Variants in NEK7 observed in about 807,000 individuals in gnomAD.
NEK7 encodes serine/threonine-protein kinase Nek7.
NEK7 carries 18 observed loss-of-function variants against 44.6 expected under a neutral mutation model. That is an observed-to-expected ratio of 0.40 (90% CI 0.28 to 0.60). The LOEUF is 0.60. Among genes scored for constraint, NEK7 ranks in the 20% least tolerant of loss-of-function variants. The pLI, the probability that NEK7 is intolerant of heterozygous loss-of-function variation, is 0.38. For missense variants in NEK7, 256 were observed against 366.5 expected (o/e 0.70, Z 2.46); for synonymous variants, 130 against 121.1 (o/e 1.07, Z -0.48).
chr1:198,231,590 G>A (rs1212097076), intron 1 of NEK7, among the ~76,000 whole-genome samples: 2 of 151,498 alleles, frequency 1.3e-5, no homozygotes, highest in Non-Finnish European at 3.0e-5. Flanking sequence ...TTCATACATA[G>A]TACACAAAGC....
intron 1 of NEK7, chr1:198,197,852 G>T: frequency 1.1e-6 from 1 of 900,120 alleles, no homozygotes; most frequent in Non-Finnish European, 1.8e-6. Flanking sequence ...CTTTTTGTGA[G>T]CTTTCTTCAT....
intron 1 of NEK7, among the ~76,000 whole-genome samples, chr1:198,227,711 G>A (rs930870568): frequency 6.6e-6 from 1 of 152,032 alleles, no homozygotes; most frequent in African/African-American, 2.4e-5. Flanking sequence ...CTTTTGATGG[G>A]GTTGTTTGTT....
intron 1 of NEK7, among the ~76,000 whole-genome samples, chr1:198,226,257 A>C (rs1315018587): frequency 6.6e-6 from 1 of 152,176 alleles, no homozygotes; most frequent in East Asian, 1.9e-4. Context: ...TTAAGAACCC[A>C]CTGAAGTCTG....
chr1:198,198,011 C>A, intron 1 of NEK7: 1 of 1,520,932 alleles, frequency 6.6e-7, no homozygotes, highest in Non-Finnish European at 8.8e-7. Flanking sequence ...GGCTGTGGCA[C>A]AGGATGAGGG....
chr1:198,211,036 T>C (rs1432263838), intron 1 of NEK7, among the ~76,000 whole-genome samples: 3 of 152,180 alleles, frequency 2.0e-5, no homozygotes, highest in Non-Finnish European at 4.4e-5. Flanking sequence ...ATTTCTTTAT[T>C]AGTGATATTC....
At position 198,317,877 on chromosome 1, in the gene NEK7, A is replaced by ATTTTTGTT. The variant is rs537862004; in HGVS notation, c.799-1530_799-1529insGTTTTTTT. Among the ~76,000 whole-genome samples, 75 of 70,254 alleles carry ATTTTTGTT rather than the reference A, an allele frequency of 1.1e-3. 4 individuals carry two copies. Among genetic ancestry groups the ATTTTTGTT allele is most frequent in the Admixed American group, 2.0e-3 (10 of 4,882 alleles). 46.1% of individuals were successfully genotyped at this position (70,254 alleles called of 152,430 possible). A position where few individuals can be genotyped will look rare whatever the true frequency, so the allele number is the denominator to read the frequency against. Reference sequence around the variant, plus strand: ...GCATTGTGTATTACTGGATATATTTATTTTTTTTTTTTTTTTTTTTTTTGG... The same window carrying ATTTTTGTT: ...GCATTGTGTATTACTGGATATATTTATTTTTGTTTTTTTTTTTTTTTTTTTTTTTTTGG... On this transcript the variant is annotated intron_variant, in intron 9 of 9. Coordinates refer to ENST00000367385, the MANE Select transcript of NEK7 (RefSeq NM_133494.3).
chr1:198,317,877 A>ATTTTTTTTTTT lies in NEK7; in HGVS notation c.799-1522_799-1512dup, dbSNP rs34704209. Reference sequence around the variant, plus strand: ...GCATTGTGTATTACTGGATATATTTATTTTTTTTTTTTTTTTTTTTTTTGG... The same window carrying ATTTTTTTTTTT: ...GCATTGTGTATTACTGGATATATTTATTTTTTTTTTTTTTTTTTTTTTTTTTTTTTTTTTGG... On this transcript the variant is annotated intron_variant, in intron 9 of 9. Transcript: ENST00000367385. Among the ~76,000 whole-genome samples, 95 of 69,754 alleles carry ATTTTTTTTTTT rather than the reference A, an allele frequency of 1.4e-3. 2 individuals carry two copies. The highest frequency in any genetic ancestry group is 2.1e-3 in the Admixed American group (10 of 4,864). The allele number at this position is 69,754 out of a possible 152,430, so 45.8% of individuals were successfully genotyped here.
At chr1:198,291,448 A>G (rs140264358) in intron 7 of NEK7, among the ~76,000 whole-genome samples, 149 of 152,346 alleles carry the variant, frequency 9.8e-4, no homozygotes, top group Non-Finnish European at 1.3e-3. Context: ...CAGTAATAAT[A>G]CAGATTCTTT....
intron 9 of NEK7, among the ~76,000 whole-genome samples, chr1:198,319,095 A>C (rs1196857878): frequency 6.6e-6 from 1 of 152,280 alleles, no homozygotes; most frequent in East Asian, 1.9e-4. Flanking sequence ...ACTTATAGTT[A>C]TAAGACTAGT....
At chr1:198,284,354 C>T (rs1259743848) in intron 7 of NEK7, among the ~76,000 whole-genome samples, 3 of 152,094 alleles carry the variant, frequency 2.0e-5, no homozygotes, top group Admixed American at 6.6e-5. Flanking sequence ...CTATATTCGG[C>T]TTTGTTACAT....
At chr1:198,303,605 A>G (rs1250392490) in intron 9 of NEK7, among the ~76,000 whole-genome samples, 1 of 152,064 alleles carries the variant, frequency 6.6e-6, no homozygotes, top group East Asian at 1.9e-4. Context: ...TTAGTTTGTA[A>G]TTGCTAGATT....
chr1:198,215,258 A>G (rs189730039), intron 1 of NEK7, among the ~76,000 whole-genome samples: 2 of 152,320 alleles, frequency 1.3e-5, no homozygotes, highest in East Asian at 3.9e-4. Flanking sequence ...TTATAAAACA[A>G]TAACAAAATG....
intron 1 of NEK7, among the ~76,000 whole-genome samples, chr1:198,192,485 G>C (rs944106958): frequency 1.3e-5 from 2 of 151,988 alleles, no homozygotes; most frequent in African/African-American, 4.8e-5. Context: ...TTACTCCAAA[G>C]TTTCTTTGGT....
At chr1:198,281,847 A>G (rs1473140251) in intron 7 of NEK7, among the ~76,000 whole-genome samples, 1 of 152,080 alleles carries the variant, frequency 6.6e-6, no homozygotes, top group African/African-American at 2.4e-5. Flanking sequence ...TCAACATACA[A>G]TAAAACCTGT....
At chr1:198,306,777 T>A (rs1379179637) in intron 9 of NEK7, among the ~76,000 whole-genome samples, 1 of 152,142 alleles carries the variant, frequency 6.6e-6, no homozygotes, top group Non-Finnish European at 1.5e-5. Flanking sequence ...AAAAGTAGGT[T>A]ACTTGTGATT....
chr1:198,244,899 G>T (rs1488794718), intron 2 of NEK7, among the ~76,000 whole-genome samples: 1 of 151,936 alleles, frequency 6.6e-6, no homozygotes, highest in Admixed American at 6.6e-5. Context: ...ATTGACCCTG[G>T]AACAACAAGA....
intron 7 of NEK7, among the ~76,000 whole-genome samples, chr1:198,284,500 A>G (rs1654309398): frequency 6.6e-6 from 1 of 152,170 alleles, no homozygotes; most frequent in Admixed American, 6.6e-5. Flanking sequence ...CCATCTGTCC[A>G]CCCTTAACTT....
At chr1:198,226,299 C>T (rs1369545217) in intron 1 of NEK7, among the ~76,000 whole-genome samples, 3 of 152,016 alleles carry the variant, frequency 2.0e-5, no homozygotes, top group Non-Finnish European at 2.9e-5. Flanking sequence ...AATCCCAGCA[C>T]TTTGGGAGGC....
chr1:198,259,919 G>A (rs2102942030), intron 3 of NEK7, among the ~76,000 whole-genome samples: 1 of 152,140 alleles, frequency 6.6e-6, no homozygotes, highest in African/African-American at 2.4e-5. Context: ...CCCCATTAAG[G>A]TTCTTACATC....
Sources: allele counts gnomAD v4.1 joint callset (sites outside exome capture counted in the v4.1 genomes callset), GRCh38; gene constraint gnomAD v4.1.1; transcripts MANE v1.5; gene names NCBI Gene and HGNC (gene_info 2026-07-23, HGNC 2026-07-21).